GNL3L: variants seen among roughly 807,000 people sequenced by gnomAD.
The protein encoded by GNL3L is G protein nucleolar 3 like, also known as guanine nucleotide-binding protein-like 3-like protein.
A neutral mutation model predicts 42.9 loss-of-function variants in GNL3L; 4 were observed. The ratio of observed to expected loss-of-function variants is 0.09; its 90% CI spans 0.05 to 0.21. The LOEUF (loss-of-function observed/expected upper bound fraction) is 0.21, where lower values mean the gene tolerates loss of function less well. Among genes scored for constraint, GNL3L ranks in the 10% least tolerant of loss-of-function variants. The pLI is 1.00. For missense variants in GNL3L, 412 were observed against 481.7 expected, an observed-to-expected ratio of 0.86 and a Z score of 1.36; for synonymous variants, 159 against 176.3, an observed-to-expected ratio of 0.90 and a Z score of 0.78.
intron 16 of GNL3L, among the ~76,000 whole-genome samples, chrX:54,584,909 C>T (rs1925763645): frequency 8.9e-6 from 1 of 112,239 alleles, no homozygotes; most frequent in Non-Finnish European, 1.9e-5. Flanking sequence ...TCTCAGCCTT[C>T]CAAGTTGCTG....
chrX:54,626,402 T>C (rs1048759258), downstream of GNL3L, among the ~76,000 whole-genome samples: 3 of 112,157 alleles, frequency 2.7e-5, no homozygotes, highest in Non-Finnish European at 5.6e-5. Context: ...TGTGTATATA[T>C]ACCATGTTTT....
chrX:54,596,336 T>C (rs1011137254), intron 16 of GNL3L, among the ~76,000 whole-genome samples: 2 of 112,049 alleles, frequency 1.8e-5, no homozygotes, highest in African/African-American at 6.5e-5. Context: ...CTTGATGGCC[T>C]TGAACAATAT....
chrX:54,578,364 G>C (rs1925663755), intron 16 of GNL3L, among the ~76,000 whole-genome samples: 1 of 111,483 alleles, frequency 9.0e-6, no homozygotes, highest in Non-Finnish European at 1.9e-5. Context: ...TACTCTTTCT[G>C]TGTACAGTTC....
At chrX:54,568,860 T>C (rs1235698474), downstream of GNL3L, among the ~76,000 whole-genome samples, 1 of 112,235 alleles carries the variant, frequency 8.9e-6, no homozygotes, top group Non-Finnish European at 1.9e-5. Flanking sequence ...GCCAACAATG[T>C]AGTATTTTTT....
rs372884355 is a variant in GNL3L at position 54,551,746 on chromosome X, C to T, written c.1038+4C>T. On this transcript the variant is annotated splice_donor_region_variant and intron_variant, in intron 11 of 15. Coordinates refer to ENST00000360845, the MANE Select transcript of GNL3L (RefSeq NM_001184819.2). Reference sequence around the variant, plus strand: ...GCAGCGCTGCAACCTGGAGGAGGTCCGCAGCAGAGCCCTGGCTGATGCCCT... The same window carrying T: ...GCAGCGCTGCAACCTGGAGGAGGTCTGCAGCAGAGCCCTGGCTGATGCCCT... 32 of 1,208,405 alleles carry T rather than the reference C, an allele frequency of 2.6e-5. No individual in the cohort carries two copies. The highest frequency in any genetic ancestry group is 4.6e-4 in the Middle Eastern group (2 of 4,349).
At chrX:54,596,304 T>C (rs1368174460) in intron 16 of GNL3L, among the ~76,000 whole-genome samples, 1 of 112,233 alleles carries the variant, frequency 8.9e-6, no homozygotes, top group Non-Finnish European at 1.9e-5. Flanking sequence ...CTGTGGTTCC[T>C]GCAAACTCAT....
At chrX:54,632,052 A>G in the GNL3L span, among the ~76,000 whole-genome samples, 1 of 112,194 alleles carries the variant, frequency 8.9e-6, no homozygotes, top group African/African-American at 3.2e-5. Flanking sequence ...TGGATACAAA[A>G]TTTTTGGCTG....
chrX:54,644,207 G>C, the GNL3L span, among the ~76,000 whole-genome samples: 17 of 111,739 alleles, frequency 1.5e-4, no homozygotes, highest in Non-Finnish European at 1.1e-4. Context: ...TTCCATAGTG[G>C]CTGTACTACT....
rs1035853829 is a variant in GNL3L at position 54,567,178 on chromosome X, C to T, written c.*6576C>T. Reference sequence around the variant, plus strand: ...ATTTTTCTAGCAGTATGTGCTAAAACTTTGCTAAAGTCACTTAGTTCTAGT... The same window carrying T: ...ATTTTTCTAGCAGTATGTGCTAAAATTTTGCTAAAGTCACTTAGTTCTAGT... On this transcript the variant is annotated 3_prime_UTR_variant, in exon 16 of 16. Transcript: ENST00000360845. Among the ~76,000 whole-genome samples, 12 of 112,328 alleles carry T rather than the reference C, an allele frequency of 1.1e-4. No individual in the cohort carries two copies. Among genetic ancestry groups the T allele is most frequent in the Admixed American group, 1.0e-3 (11 of 10,532 alleles).
rs191638301 is a variant in GNL3L at position 54,598,336 on chromosome X, C to G, written c.*46-22509C>G. ...AGAGGAGTGACAAAAACAAGGGTCA[C>G]TTGAGGTATTTGAAGCCACTGGCAC... On this transcript the variant is annotated intron_variant, in intron 16 of 16. Transcript: ENST00000674498. Among the ~76,000 whole-genome samples the G allele has an allele frequency of 4.8e-3, 536 of 111,521 alleles. 3 individuals are homozygous for G. Among genetic ancestry groups the G allele is most frequent in the African/African-American group, 0.016 (494 of 30,648 alleles).
intron 16 of GNL3L, among the ~76,000 whole-genome samples, chrX:54,574,783 G>A (rs897515010): frequency 4.5e-5 from 5 of 111,648 alleles, no homozygotes; most frequent in Non-Finnish European, 7.5e-5. Flanking sequence ...TTCCTGATTC[G>A]GTATCTTGTT....
chrX:54,564,843 C>T lies in GNL3L; in HGVS notation c.*4241C>T, dbSNP rs1205555894. 9.6e-6 allele frequency among the ~76,000 whole-genome samples: 1 copy of T among 103,975 alleles called. No homozygotes were observed. Among genetic ancestry groups the T allele is most frequent in the Non-Finnish European group, 1.9e-5 (1 of 51,390 alleles). The allele number at this position is 103,975 out of a possible 115,157, so 90.3% of individuals were successfully genotyped here. A position where few individuals can be genotyped will look rare whatever the true frequency, so the allele number is the denominator to read the frequency against. On this transcript the variant is annotated 3_prime_UTR_variant, in exon 16 of 16. Transcript: ENST00000360845. Reference sequence around the variant, plus strand: ...CCACCTCCTGGGTTCAAGCGATTCTCCTGCCTTAGCCTCCCGAGTAACAGG... The same window carrying T: ...CCACCTCCTGGGTTCAAGCGATTCTTCTGCCTTAGCCTCCCGAGTAACAGG...
At position 54,548,326 on chromosome X, in the gene GNL3L, A is replaced by G. The variant is rs957684408; in HGVS notation, c.728A>G (p.Tyr243Cys). ...AACCTCATGAGGGTTCTGGGGAACTATTGCCGCCTTGGTGAAGTGCGCACC... is the reference window on the plus strand; with the variant it reads ...AACCTCATGAGGGTTCTGGGGAACTGTTGCCGCCTTGGTGAAGTGCGCACC... ...AENLMRVLGNYCRLGEVRTHI... is the reference protein window; with the variant it reads ...AENLMRVLGNCCRLGEVRTHI... Residue 243 changes from tyrosine to cysteine, a missense_variant, in exon 9 of 16, where the codon TAT becomes TGT. Coordinates refer to ENST00000360845, the MANE Select transcript of GNL3L (RefSeq NM_001184819.2). 8.3e-7 allele frequency: 1 copy of G among 1,206,344 alleles called. No individual in the cohort carries two copies. Among genetic ancestry groups the G allele is most frequent in the Non-Finnish European group, 1.1e-6 (1 of 891,130 alleles).
intron 12 of GNL3L, 143 bp downstream of exon 12, chrX:54,552,117 G>A (rs1924960883): frequency 1.2e-6 from 1 of 812,028 alleles, no homozygotes; most frequent in South Asian, 2.5e-5. Context: ...GTCATGTCCT[G>A]CTCGAGACTT....
At chrX:54,598,046 T>G (rs1925956480) in intron 16 of GNL3L, among the ~76,000 whole-genome samples, 1 of 111,304 alleles carries the variant, frequency 9.0e-6, no homozygotes, top group Non-Finnish European at 1.9e-5. Context: ...CTTATGAAGG[T>G]ATTCTGTTGT....
chrX:54,531,383 G>A (rs758518738), intron 1 of GNL3L, among the ~76,000 whole-genome samples: 2 of 111,144 alleles, frequency 1.8e-5, no homozygotes, highest in South Asian at 3.8e-4. Context: ...AGTTCAGTGC[G>A]TATGGTCTCT....
chrX:54,628,991 T>C, the GNL3L span, among the ~76,000 whole-genome samples: 1 of 103,762 alleles, frequency 9.6e-6, no homozygotes, highest in Non-Finnish European at 2.0e-5. Flanking sequence ...ATAATTTATA[T>C]ATAAAAATTA....
At chrX:54,554,960 C>T (rs1313456358) in intron 14 of GNL3L, among the ~76,000 whole-genome samples, 3 of 111,254 alleles carry the variant, frequency 2.7e-5, no homozygotes, top group Non-Finnish European at 5.7e-5. Context: ...AACTTGCAAA[C>T]GACTCTTTCT....
chrX:54,641,343 T>C, the GNL3L span, among the ~76,000 whole-genome samples: 3 of 111,666 alleles, frequency 2.7e-5, no homozygotes, highest in African/African-American at 9.8e-5. Flanking sequence ...CATTGATTTC[T>C]TAATTGGATG....
Sources: gnomAD v4.1 joint callset for allele counts (sites outside exome capture counted in the v4.1 genomes callset) on GRCh38, gnomAD v4.1.1 for gene constraint, MANE v1.5 for transcripts, NCBI Gene and HGNC (gene_info 2026-07-23, HGNC 2026-07-21) for gene names.